The following PTK2 variants were observed in gnomAD, a reference collection of about 807,000 sequenced individuals.
PTK2 encodes protein tyrosine kinase 2.
Under a neutral mutation model 150.1 loss-of-function variants are expected in PTK2, and 45 were observed. The ratio of observed to expected loss-of-function variants is 0.30; its 90% confidence interval spans 0.24 to 0.38. The LOEUF is 0.38. Among genes scored for constraint, PTK2 ranks in the 10% least tolerant of loss-of-function variants. The pLI is 1.00. For missense variants in PTK2, 919 were observed against 1,307.3 expected (o/e 0.70, Z 4.58); for synonymous variants, 432 against 449.2 (o/e 0.96, Z 0.48).
intron 2 of PTK2, among the ~76,000 whole-genome samples, chr8:140,902,718 G>A (rs953096290): frequency 2.0e-5 from 3 of 152,160 alleles, no homozygotes; most frequent in African/African-American, 7.2e-5. Flanking sequence ...CAGTGATGAT[G>A]AGCTTTTTTT....
At position 140,929,197 on chromosome 8, in the gene PTK2, C is replaced by T. The variant is rs982706558; in HGVS notation, c.-121-3448G>A. ...AGCCGGGATGGTCTCGATCTCCTGA[C>T]CTCGTGATCCGCCCGCCTCGGCCTC... On this transcript the variant is annotated intron_variant, in intron 1 of 31. Coordinates refer to ENST00000522684, the Ensembl canonical transcript of PTK2. Among the ~76,000 whole-genome samples, 3 of 151,542 alleles carry T rather than the reference C, an allele frequency of 2.0e-5. No individual in the cohort carries two copies. The South Asian group carries it at 6.3e-4, about 32-fold the overall frequency.
intron 12 of PTK2, among the ~76,000 whole-genome samples, chr8:140,794,732 A>G (rs921287728): frequency 6.6e-6 from 1 of 152,086 alleles, no homozygotes; most frequent in Non-Finnish European, 1.5e-5. Flanking sequence ...CCTGATGAAG[A>G]TTAGAGAACC....
rs1334327458 is a variant in PTK2 at position 140,697,136 on chromosome 8, GGAAAAAA to G, written c.2499+3748_2499+3754del. On this transcript the variant is annotated intron_variant, in intron 26 of 31. Coordinates refer to ENST00000522684, the Ensembl canonical transcript of PTK2. ...GTGACAGTGTGAGACCCTGTTTCCGGGAAAAAAAAAAAAAAAAAAAAAAAAAGGAAAG... is the reference window on the plus strand; with the variant it reads ...GTGACAGTGTGAGACCCTGTTTCCGGAAAAAAAAAAAAAAAAAAAGGAAAG... Among the ~76,000 whole-genome samples the G allele has an allele frequency of 7.6e-4, 33 of 43,324 alleles. 1 individual carries two copies. Among genetic ancestry groups the G allele is most frequent in the South Asian group, 1.4e-3 (1 of 706 alleles). The allele number at this position is 43,324 out of a possible 152,430, so 28.4% of individuals were successfully genotyped here. A position where few individuals can be genotyped will look rare whatever the true frequency, so the allele number is the denominator to read the frequency against.
intron 22 of PTK2, among the ~76,000 whole-genome samples, chr8:140,730,501 A>G (rs1324082083): frequency 6.6e-6 from 1 of 152,238 alleles, no homozygotes; most frequent in Non-Finnish European, 1.5e-5. Context: ...TTACCCTTGG[A>G]GGGTGAACAG....
chr8:140,828,389 A>G (rs111688466), intron 8 of PTK2, among the ~76,000 whole-genome samples: 143 of 152,236 alleles, frequency 9.4e-4, no homozygotes, highest in Non-Finnish European at 1.3e-3. Flanking sequence ...CACTCACACC[A>G]TGGCACCTGT....
chr8:140,710,645 T>C (rs1011469423), intron 23 of PTK2, among the ~76,000 whole-genome samples: 3 of 152,166 alleles, frequency 2.0e-5, no homozygotes, highest in Admixed American at 6.5e-5. Context: ...CACTGCAGCC[T>C]GGGCAACAGA....
At chr8:140,668,181 G>T in intron 30 of PTK2, 88 bp downstream of exon 34, 1 of 1,490,650 alleles carries the variant, frequency 6.7e-7, no homozygotes, top group Non-Finnish European at 9.3e-7. Context: ...TGGTGGGGCG[G>T]GGGGACCTAG....
intron 5 of PTK2, among the ~76,000 whole-genome samples, chr8:140,863,072 A>G (rs2100137163): frequency 6.6e-6 from 1 of 152,150 alleles, no homozygotes. Context: ...ATTATCTCAC[A>G]TAGAAAAATA....
At chr8:140,919,759 T>C (rs2100166708) in intron 2 of PTK2, among the ~76,000 whole-genome samples, 1 of 152,152 alleles carries the variant, frequency 6.6e-6, no homozygotes, top group Non-Finnish European at 1.5e-5. Context: ...AGTGTAAATT[T>C]AACTCAGCAA....
rs1228999524 is a variant in PTK2, at chr8:140,750,252, G to C, written c.1417+1980C>G. 4.6e-5 allele frequency: 7 copies of C among 152,164 alleles called. No homozygotes were observed. In the East Asian group the frequency reaches 1.3e-3, roughly 29 times the overall value. 9.4% of individuals were successfully genotyped at this position (152,164 alleles called of 1,614,324 possible). On this transcript the variant is annotated intron_variant, in intron 17 of 31. Coordinates refer to ENST00000522684, the Ensembl canonical transcript of PTK2. The stretch of plus-strand genomic sequence containing the variant: ...ACTGTTGGGTGGTATTTATTACAAT[G>C]GAAAACAGAAGGCATTCATTTGATG...
rs750169734 is a variant in PTK2 at position 140,993,649 on chromosome 8, A to C, written c.-122+7476T>G. Among the ~76,000 whole-genome samples the C allele has an allele frequency of 9.5e-4, 144 of 152,228 alleles. 3 individuals carry two copies. Among genetic ancestry groups the C allele is most frequent in the Non-Finnish European group, 1.9e-4 (13 of 68,050 alleles). On this transcript the variant is annotated intron_variant, in intron 1 of 31. Transcript: ENST00000522684. ...AACAAGCACCTACAGTTCACAGCAG[A>C]ATCCAAACCCAAAATGCAGGAATTT...
intron 2 of PTK2, among the ~76,000 whole-genome samples, chr8:140,891,847 G>A (rs1334891705): frequency 6.6e-6 from 1 of 152,228 alleles, no homozygotes; most frequent in Non-Finnish European, 1.5e-5. Context: ...CAGGCTTGCA[G>A]TGAGAACAGC....
rs111376675 is a variant in PTK2 at position 140,701,897 on chromosome 8, T to C, written c.2367+673A>G. On this transcript the variant is annotated intron_variant, in intron 25 of 31. Coordinates refer to ENST00000522684, the Ensembl canonical transcript of PTK2. ...ACCCCAGCACTTTGGGAGGGTGAGG[T>C]GGGTGGATCACTTGAAGTCAGAAGT... is the stretch of plus-strand genomic sequence containing the variant. Among the ~76,000 whole-genome samples, 10 of 151,334 alleles carry C rather than the reference T, an allele frequency of 6.6e-5. 2 individuals are homozygous for C. Among genetic ancestry groups the C allele is most frequent in the African/African-American group, 2.4e-4 (10 of 41,252 alleles).
chr8:140,866,561 T>G (rs920026322), intron 4 of PTK2, among the ~76,000 whole-genome samples: 3 of 152,172 alleles, frequency 2.0e-5, no homozygotes, highest in Non-Finnish European at 4.4e-5. Context: ...TGCCTCAATT[T>G]CCTTATAAGG....
intron 5 of PTK2, among the ~76,000 whole-genome samples, chr8:140,863,148 A>G (rs1013546509): frequency 3.3e-5 from 5 of 152,192 alleles, no homozygotes; most frequent in African/African-American, 9.6e-5. Flanking sequence ...TCATGGCAGT[A>G]AGTGCCTAGA....
At chr8:140,979,022 A>G (rs1398139967) in intron 1 of PTK2, among the ~76,000 whole-genome samples, 1 of 147,912 alleles carries the variant, frequency 6.8e-6, no homozygotes, top group African/African-American at 2.5e-5. Context: ...AAAAAACCAA[A>G]CACCCCATGT....
chr8:140,853,285 C>T (rs192600189), intron 5 of PTK2, among the ~76,000 whole-genome samples: 2 of 151,514 alleles, frequency 1.3e-5, no homozygotes, highest in Admixed American at 1.3e-4. Context: ...TGGTGTGCTG[C>T]ACCCATTAAC....
At chr8:140,914,850 A>G (rs1449956032) in intron 2 of PTK2, among the ~76,000 whole-genome samples, 1 of 151,964 alleles carries the variant, frequency 6.6e-6, no homozygotes, top group African/African-American at 2.4e-5. Flanking sequence ...AGCCTGACCA[A>G]TATGGAGGTC....
intron 17 of PTK2, chr8:140,750,166 T>C (rs1436036071): frequency 1.3e-5 from 2 of 152,226 alleles, no homozygotes; most frequent in Non-Finnish European, 2.9e-5. Flanking sequence ...ATTAAGGATG[T>C]ACTAAGACTT....
Sources: allele counts gnomAD v4.1 joint callset (sites outside exome capture counted in the v4.1 genomes callset), GRCh38; gene constraint gnomAD v4.1.1; transcripts MANE v1.5; gene names NCBI Gene and HGNC (gene_info 2026-07-23, HGNC 2026-07-21).